The following DAAM2 variants were observed in gnomAD, a reference collection of about 807,000 sequenced individuals.
The protein encoded by DAAM2 is disheveled-associated activator of morphogenesis 2.
DAAM2 carries 39 observed loss-of-function variants against 120.7 expected under a neutral mutation model. The observed-to-expected ratio is 0.32, with a 90% CI of 0.25 to 0.42. The LOEUF (loss-of-function observed/expected upper bound fraction) is 0.42, where lower values mean the gene tolerates loss of function less well. Among genes scored for constraint, DAAM2 ranks in the 10% least tolerant of loss-of-function variants. The probability of loss-of-function intolerance (pLI) is 1.00; values close to 1 mark genes in which losing one functional copy is unlikely to be tolerated. For synonymous variants in DAAM2, 488 were observed against 524.9 expected, an observed-to-expected ratio of 0.93 and a Z score of 0.96; for missense variants, 1,283 against 1,401.7, an observed-to-expected ratio of 0.92 and a Z score of 1.35.
chr6:39,824,520 T>C (rs1246616267), intron 1 of DAAM2, among the ~76,000 whole-genome samples: 1 of 152,202 alleles, frequency 6.6e-6, no homozygotes, highest in Non-Finnish European at 1.5e-5. Flanking sequence ...CTAGCAGCGG[T>C]TGAAGGCCAG....
intron 11 of DAAM2, among the ~76,000 whole-genome samples, chr6:39,876,410 T>C (rs1039642039): frequency 9.9e-5 from 15 of 152,228 alleles, no homozygotes; most frequent in African/African-American, 3.6e-4. Flanking sequence ...CTAATTGGTA[T>C]GTTGGACAAG....
At chr6:39,839,744 C>T (rs1047149327) in intron 1 of DAAM2, among the ~76,000 whole-genome samples, 10 of 152,352 alleles carry the variant, frequency 6.6e-5, no homozygotes, top group African/African-American at 1.9e-4. Flanking sequence ...AGGCTCTGCA[C>T]AGCCAGCCTC....
At chr6:39,839,752 C>T (rs891188600) in intron 1 of DAAM2, among the ~76,000 whole-genome samples, 1 of 152,232 alleles carries the variant, frequency 6.6e-6, no homozygotes, top group Non-Finnish European at 1.5e-5. Flanking sequence ...CACAGCCAGC[C>T]TCCCAGAGGC....
rs567101562 is a variant in DAAM2, at chr6:39,878,834, GGA to G, written c.1545+247_1545+248del. 2.6e-4 allele frequency among the ~76,000 whole-genome samples: 40 copies of G among 152,292 alleles called. No individual in the cohort carries two copies. Among genetic ancestry groups the G allele is most frequent in the African/African-American group, 8.9e-4 (37 of 41,556 alleles). On this transcript the variant is annotated intron_variant, in intron 13 of 24. Transcript: ENST00000274867. The surrounding 1 kb of genome is among the most constrained non-coding windows in gnomAD (Gnocchi z 5.0). Reference sequence around the variant, plus strand: ...ACACCTTGGACAGCAGAGTGCAGCTGGAATTGGATCCACTTCCCTCTCTCAGC... The same window carrying G: ...ACACCTTGGACAGCAGAGTGCAGCTGATTGGATCCACTTCCCTCTCTCAGC...
At chr6:39,820,429 A>G (rs959929517) in intron 1 of DAAM2, 1 of 152,212 alleles carries the variant, frequency 6.6e-6, no homozygotes, top group Non-Finnish European at 1.5e-5. Context: ...AATAGATTTA[A>G]TCATAGCCTT....
chr6:39,812,691 T>G (rs1170170221), intron 1 of DAAM2, among the ~76,000 whole-genome samples: 1 of 108,896 alleles, frequency 9.2e-6, no homozygotes, highest in East Asian at 2.0e-4. Context: ...CTCAAACAAT[T>G]TAATCTGACA....
intron 19 of DAAM2, among the ~76,000 whole-genome samples, chr6:39,895,809 T>C (rs1766044127): frequency 6.6e-6 from 1 of 152,184 alleles, no homozygotes; most frequent in South Asian, 2.1e-4. Context: ...ATTATTGAAG[T>C]TTTGGTTACT....
rs79386497 is a variant in DAAM2, at chr6:39,835,148, C to A, written c.-56-21099C>A. Among the ~76,000 whole-genome samples the A allele has an allele frequency of 2.1e-4, 32 of 152,314 alleles. No individual in the cohort carries two copies. In the East Asian group the frequency reaches 6.0e-3, roughly 28 times the overall value. ...ATCTCTTTATCTCTGGTGCCTGGCA[C>A]ATCTGAACAGGCCAAGAAATGCTGG... On this transcript the variant is annotated intron_variant, in intron 1 of 24. Transcript: ENST00000274867.
At chr6:39,846,403 G>A (rs1216872388) in intron 1 of DAAM2, among the ~76,000 whole-genome samples, 2 of 152,178 alleles carry the variant, frequency 1.3e-5, no homozygotes, top group Non-Finnish European at 2.9e-5. Context: ...GAAACTACTA[G>A]ACAATATGTA....
intron 23 of DAAM2, among the ~76,000 whole-genome samples, chr6:39,900,897 G>A (rs1420734042): frequency 6.6e-6 from 1 of 152,116 alleles, no homozygotes; most frequent in Non-Finnish European, 1.5e-5. Context: ...CCACTATGAT[G>A]TAGATTCTAT....
In DAAM2 at chr6:39,826,070, T is replaced by C. The variant is rs1255129678; in HGVS notation, c.-56-30177T>C. 8.5e-5 allele frequency among the ~76,000 whole-genome samples: 13 copies of C among 152,306 alleles called. No individual in the cohort carries two copies. The East Asian group carries it at 2.3e-3, about 27-fold the overall frequency. ...GCAGTGAACCTGGCCTCCTTCCCCA[T>C]TGGACATGTGTCTTGGTCCAGCTTC... On this transcript the variant is annotated intron_variant, in intron 1 of 24. Transcript: ENST00000274867.
chr6:39,896,757 G>A, intron 19 of DAAM2, 55 bp from the exon 20 acceptor site: 3 of 1,452,166 alleles, frequency 2.1e-6, no homozygotes, highest in Non-Finnish European at 2.7e-6. Context: ...GGTGCAATGA[G>A]AACTGCTGCC....
At chr6:39,850,572 G>GA (rs1314001143) in intron 1 of DAAM2, among the ~76,000 whole-genome samples, 1 of 152,140 alleles carries the variant, frequency 6.6e-6, no homozygotes, top group Non-Finnish European at 1.5e-5. Flanking sequence ...ACATTTGTTT[G>GA]AATGAGACAC....
At position 39,850,612 on chromosome 6, in the gene DAAM2, C is replaced by T. The variant is rs1176419799; in HGVS notation, c.-56-5635C>T. 2.6e-5 allele frequency among the ~76,000 whole-genome samples: 4 copies of T among 152,194 alleles called. 1 individual carries two copies. The highest frequency in any genetic ancestry group is 2.6e-4 in the Admixed American group (4 of 15,280). ...GTCCTCAAACGTAGCCCTTTCACTT[C>T]TAAAACTTGGTCTTTGGGCAACTTG... On this transcript the variant is annotated intron_variant, in intron 1 of 24. Coordinates refer to ENST00000274867, the MANE Select transcript of DAAM2 (RefSeq NM_001201427.2).
intron 1 of DAAM2, among the ~76,000 whole-genome samples, chr6:39,816,855 A>G (rs1762324252): frequency 6.6e-6 from 1 of 152,230 alleles, no homozygotes; most frequent in Admixed American, 6.5e-5. Flanking sequence ...TAGTCCTGTT[A>G]ACGCTCCCCG....
intron 22 of DAAM2, 85 bp downstream of exon 22, chr6:39,899,022 G>A (rs892609263): frequency 3.8e-5 from 33 of 864,048 alleles, no homozygotes; most frequent in Admixed American, 9.1e-5. Context: ...CCTACACAGG[G>A]GCAAAAAACA....
intron 1 of DAAM2, chr6:39,855,922 C>A: frequency 1.9e-6 from 1 of 525,190 alleles, no homozygotes; most frequent in Non-Finnish European, 2.4e-6. Flanking sequence ...TATGGAAAGT[C>A]AGCTCTGGTC....
At chr6:39,888,821 C>A in intron 17 of DAAM2, 58 bp downstream of exon 17, 1 of 1,325,812 alleles carries the variant, frequency 7.5e-7, no homozygotes, top group Non-Finnish European at 1.1e-6. Context: ...CACGCCCCTT[C>A]CCAACAGCCC....
At chr6:39,899,065 C>G (rs1362666803) in intron 22 of DAAM2, 128 bp downstream of exon 22, 5 of 713,228 alleles carry the variant, frequency 7.0e-6, no homozygotes, top group Non-Finnish European at 1.2e-5. Flanking sequence ...GGTCAGCCCT[C>G]CCAAAGGATA....
Sources: gnomAD v4.1 joint callset for allele counts (sites outside exome capture counted in the v4.1 genomes callset) on GRCh38, gnomAD v4.1.1 for gene constraint, Gnocchi (gnomAD v3.1) non-coding constraint, MANE v1.5 for transcripts, NCBI Gene and HGNC (gene_info 2026-07-23, HGNC 2026-07-21) for gene names.